Variants in ENTREP2 observed in about 807,000 individuals in gnomAD.
ENTREP2 encodes the protein endosomal transmembrane epsin interactor 2, also known as protein ENTREP2.
the ENTREP2 span, among the ~76,000 whole-genome samples, chr15:29,421,193 G>A: frequency 6.6e-6 from 1 of 152,206 alleles, no homozygotes; most frequent in East Asian, 1.9e-4. Flanking sequence ...AGGAGCTATT[G>A]ATTAAGGCGA....
the ENTREP2 span, among the ~76,000 whole-genome samples, chr15:29,183,313 G>A: frequency 6.6e-6 from 1 of 152,166 alleles, no homozygotes; most frequent in Non-Finnish European, 1.5e-5. Flanking sequence ...AAAGCCTGAG[G>A]ACATCGAGAA....
the ENTREP2 span, among the ~76,000 whole-genome samples, chr15:29,503,267 G>A: frequency 6.6e-6 from 1 of 152,108 alleles, no homozygotes; most frequent in African/African-American, 2.4e-5. Flanking sequence ...CCACAAAAAG[G>A]AAGTGCTATT....
At chr15:29,606,390 A>C in the ENTREP2 span, among the ~76,000 whole-genome samples, 2 of 151,546 alleles carry the variant, frequency 1.3e-5, no homozygotes, top group Admixed American at 1.3e-4. Flanking sequence ...GCGCGCCACC[A>C]CACCTGGCTA....
chr15:29,390,991 C>T, the ENTREP2 span, among the ~76,000 whole-genome samples: 4 of 152,024 alleles, frequency 2.6e-5, no homozygotes, highest in African/African-American at 7.3e-5. Flanking sequence ...GTCCACCAAC[C>T]CCCCATCTTC....
chr15:29,149,196 C>T, the ENTREP2 span, among the ~76,000 whole-genome samples: 7 of 152,194 alleles, frequency 4.6e-5, no homozygotes, highest in South Asian at 6.2e-4. Context: ...CAGCATTTAT[C>T]GCAACCGCCA....
the ENTREP2 span, among the ~76,000 whole-genome samples, chr15:29,621,587 T>C: frequency 7.1e-4 from 14 of 19,844 alleles, no homozygotes; most frequent in African/African-American, 3.9e-3. Flanking sequence ...ATGGCCACTA[T>C]CAAAAAAAAA....
the ENTREP2 span, among the ~76,000 whole-genome samples, chr15:29,624,899 GTGTGTGTGTA>G: frequency 2.6e-4 from 40 of 151,436 alleles, 1 homozygote; most frequent in African/African-American, 9.5e-4. Flanking sequence ...GTGTGTGTGT[GTGTGTGTGTA>G]TAGTTTTATG....
the ENTREP2 span, chr15:29,126,149 T>G: frequency 1.2e-6 from 1 of 831,922 alleles, no homozygotes; most frequent in Non-Finnish European, 1.8e-6. Flanking sequence ...ACATTCCCAG[T>G]GTGGCCCCAG....
the ENTREP2 span, among the ~76,000 whole-genome samples, chr15:29,261,099 T>G: frequency 1.3e-5 from 2 of 152,218 alleles, no homozygotes; most frequent in East Asian, 3.9e-4. Context: ...ATAAACATAC[T>G]GTGAACATAT....
chr15:29,133,344 A>AAT, the ENTREP2 span, among the ~76,000 whole-genome samples: 1 of 152,112 alleles, frequency 6.6e-6, no homozygotes, highest in Non-Finnish European at 1.5e-5. Flanking sequence ...CCCCAACTTC[A>AAT]ATACCCCAAT....
the ENTREP2 span, among the ~76,000 whole-genome samples, chr15:29,615,014 G>A: frequency 6.6e-6 from 1 of 152,142 alleles, no homozygotes; most frequent in Non-Finnish European, 1.5e-5. Flanking sequence ...TAATTCCCAG[G>A]TATTTCTGTG....
the ENTREP2 span, among the ~76,000 whole-genome samples, chr15:29,368,494 A>G: frequency 6.6e-6 from 1 of 152,100 alleles, no homozygotes; most frequent in Admixed American, 6.5e-5. Flanking sequence ...AAAGAACTAA[A>G]GCAAACTGTC....
At chr15:29,323,618 T>C in the ENTREP2 span, among the ~76,000 whole-genome samples, 1 of 152,134 alleles carries the variant, frequency 6.6e-6, no homozygotes, top group Non-Finnish European at 1.5e-5. Context: ...TCAGAAGTCC[T>C]AGAGGCCTGG....
chr15:29,125,850 C>G, the ENTREP2 span, among the ~76,000 whole-genome samples: 65 of 152,312 alleles, frequency 4.3e-4, no homozygotes, highest in East Asian at 5.2e-3. Flanking sequence ...TGTGGAGAGC[C>G]AAGCTGCCTG....
chr15:29,223,946 T>G, the ENTREP2 span, among the ~76,000 whole-genome samples: 1 of 152,296 alleles, frequency 6.6e-6, no homozygotes, highest in East Asian at 1.9e-4. Context: ...CGCGCCCAGC[T>G]CTGCCTGTGA....
At chr15:29,218,047 T>TCAGGCTC in the ENTREP2 span, among the ~76,000 whole-genome samples, 2 of 152,180 alleles carry the variant, frequency 1.3e-5, no homozygotes, top group African/African-American at 4.8e-5. Flanking sequence ...GCAAGTTCTA[T>TCAGGCTC]CAGGCTCCAG....
the ENTREP2 span, among the ~76,000 whole-genome samples, chr15:29,439,579 C>T: frequency 6.6e-6 from 1 of 152,172 alleles, no homozygotes; most frequent in Admixed American, 6.5e-5. Flanking sequence ...ACCCCCAGAA[C>T]ACCAGGGTGA....
chr15:29,488,844 G>A, the ENTREP2 span, among the ~76,000 whole-genome samples: 1 of 152,108 alleles, frequency 6.6e-6, no homozygotes, highest in Non-Finnish European at 1.5e-5. Flanking sequence ...AAATACCCTT[G>A]AAAAATGAAG....
the ENTREP2 span, among the ~76,000 whole-genome samples, chr15:29,558,448 T>C: frequency 6.6e-6 from 1 of 151,440 alleles, no homozygotes; most frequent in South Asian, 2.1e-4. Flanking sequence ...CCAGGCTCAG[T>C]ACATGCCCGC....
Sources: gnomAD v4.1 joint callset for allele counts (sites outside exome capture counted in the v4.1 genomes callset) on GRCh38, gnomAD v4.1.1 for gene constraint, MANE v1.5 for transcripts, NCBI Gene and HGNC (gene_info 2026-07-23, HGNC 2026-07-21) for gene names.